NEK8: variants seen among roughly 807,000 people sequenced by gnomAD.
NEK8 encodes NIMA related kinase 8, also known as serine/threonine-protein kinase Nek8.
NEK8 carries 51 observed loss-of-function variants against 77.2 expected under a neutral mutation model. The ratio of observed to expected loss-of-function variants is 0.66; its 90% CI spans 0.53 to 0.83. The LOEUF (loss-of-function observed/expected upper bound fraction) is 0.83. NEK8 is among the 40% of genes least tolerant of loss of function. The pLI, the probability that NEK8 is intolerant of heterozygous loss-of-function variation, is 0.00. For missense variants in NEK8, 787 were observed against 909.2 expected, an observed-to-expected ratio of 0.87 and a Z score of 1.73; for synonymous variants, 365 against 363.2, an observed-to-expected ratio of 1.00 and a Z score of -0.06.
Position 28,740,449 on chromosome 17 carries a change from G to A in NEK8, c.1418-14G>A, listed in dbSNP as rs780882981. ...TAAAGCTCAAATTAACTCCTTCTGG[G>A]TTTCTTCTTGTAGGCAGACTGGGGC... On this transcript the variant is annotated splice_polypyrimidine_tract_variant and intron_variant, in intron 10 of 14. Transcript: ENST00000268766. This position sits in a 1 kb window ranked among gnomAD's most constrained non-coding sequence, Gnocchi z 4.7. 4 of 1,613,884 alleles carry A rather than the reference G, an allele frequency of 2.5e-6. No homozygotes were observed. Among genetic ancestry groups the A allele is most frequent in the Non-Finnish European group, 2.5e-6 (3 of 1,179,952 alleles).
Position 28,738,255 on chromosome 17 carries a change from C to T in NEK8, c.1222+10C>T, listed in dbSNP as rs368061384. ...ACTGCCTGCCTGACTGGTGAGTTGT[C>T]GGGCCTACCTTGTGGGACCTGCTCT... On this transcript the variant is annotated intron_variant, in intron 8 of 14. Coordinates refer to ENST00000268766, the MANE Select transcript of NEK8 (RefSeq NM_178170.3). 6.9e-5 allele frequency: 112 copies of T among 1,613,950 alleles called. No homozygotes were observed. Among genetic ancestry groups the T allele is most frequent in the Non-Finnish European group, 8.2e-5 (97 of 1,180,006 alleles).
intron 1 of NEK8, chr17:28,732,968 G>A (rs2034325482): frequency 6.6e-6 from 1 of 152,050 alleles, no homozygotes; most frequent in Non-Finnish European, 1.5e-5. Context: ...CAATGTCCTA[G>A]GCTCAGGTGA....
In NEK8 at chr17:28,741,857, C is replaced by T; in HGVS notation, c.2051-102C>T. ...TGCTGAAACTCTCTTTCTGGCCTAA[C>T]AGGGTCCAGAATCCAGGGCCCAGTG... On this transcript the variant is annotated intron_variant, in intron 14 of 14. Transcript: ENST00000268766. The surrounding 1 kb of genome is among the most constrained non-coding windows in gnomAD (Gnocchi z 4.5). 7.9e-7 allele frequency: 1 copy of T among 1,263,210 alleles called. No individual in the cohort carries two copies. The highest frequency in any genetic ancestry group is 1.2e-5 in the South Asian group (1 of 84,038). 78.3% of individuals were successfully genotyped at this position (1,263,210 alleles called of 1,614,324 possible).
chr17:28,741,144 G>A lies in NEK8; in HGVS notation c.1799G>A (p.Gly600Asp), dbSNP rs1344396208. 3.1e-6 allele frequency: 5 copies of A among 1,614,026 alleles called. No homozygotes were observed. Among genetic ancestry groups the A allele is most frequent in the African/African-American group, 1.3e-5 (1 of 74,934 alleles). ...HGQLGTNTRR[G>D]SRAPCKVQGL... ...CAGTTGGGCACCAATACTCGCCGAG[G>A]CAGTCGGGCACCCTGTAAGGTCCAA... Residue 600 changes from glycine (G) to aspartate (D), a missense_variant, in exon 13 of 15, where the codon GGC (glycine) becomes GAC (aspartate). This residue lies in a region of NEK8 where 516 missense variants were observed against 544.0 expected (regional missense o/e 0.95). Coordinates refer to ENST00000268766, the MANE Select transcript of NEK8 (RefSeq NM_178170.3). This position sits in a 1 kb window ranked among gnomAD's most constrained non-coding sequence, Gnocchi z 4.5.
At chr17:28,733,891 C>A in intron 1 of NEK8, 92 bp from the exon 2 acceptor site, 1 of 1,057,982 alleles carries the variant, frequency 9.5e-7, no homozygotes, top group Non-Finnish European at 1.4e-6. Flanking sequence ...GAACCCTCTT[C>A]CAAGAGACAT....
intron 8 of NEK8, 55 bp from the exon 9 acceptor site, chr17:28,738,616 T>G (rs2034390426): frequency 6.6e-7 from 1 of 1,522,484 alleles, no homozygotes; most frequent in Admixed American, 1.7e-5. Flanking sequence ...CCGGGCTATC[T>G]GGAAAGACTG....
At position 28,731,683 on chromosome 17, in the gene NEK8, A is replaced by C. The variant is rs1342182590; in HGVS notation, c.48-2300A>C. Among the ~76,000 whole-genome samples the C allele has an allele frequency of 3.3e-5, 5 of 150,062 alleles. No homozygotes were observed. In the South Asian group the frequency reaches 1.1e-3, roughly 32 times the overall value. On this transcript the variant is annotated intron_variant, in intron 1 of 14. Transcript: ENST00000268766. ...CAGTGGCACCATCTCGGCTCATTGC[A>C]AGCTCCGCCTCCCAGGTTCACGCCA...
In NEK8 at chr17:28,742,751, C is replaced by A. The variant is rs1337973476; in HGVS notation, c.*764C>A. On this transcript the variant is annotated 3_prime_UTR_variant, in exon 15 of 15. Transcript: ENST00000268766. Reference sequence around the variant, plus strand: ...GACCAGCCTGGGGACCATAGCGAGACCGCTGTCTCCACCAAAAAAAAAAAA... The same window carrying A: ...GACCAGCCTGGGGACCATAGCGAGAACGCTGTCTCCACCAAAAAAAAAAAA... The A allele has an allele frequency of 2.0e-5, 3 of 150,616 alleles. No individual in the cohort carries two copies. The highest frequency in any genetic ancestry group is 4.4e-5 in the Non-Finnish European group (3 of 67,750). 9.3% of individuals were successfully genotyped at this position (150,616 alleles called of 1,614,324 possible). A position where few individuals can be genotyped will look rare whatever the true frequency, so the allele number is the denominator to read the frequency against.
At position 28,740,499 on chromosome 17, in the gene NEK8, G is replaced by A; in HGVS notation, c.1454G>A (p.Cys485Tyr). The A allele has an allele frequency of 6.2e-7, 1 of 1,614,062 alleles. No individual in the cohort carries two copies. The highest frequency in any genetic ancestry group is 8.5e-7 in the Non-Finnish European group (1 of 1,179,986). The change falls in exon 11 of 15, where the codon TGC becomes TAC. Residue 485 changes from cysteine to tyrosine, a missense_variant. Cys to Tyr is a radical substitution (Grantham distance 194). Coordinates refer to ENST00000268766, the MANE Select transcript of NEK8 (RefSeq NM_178170.3). This position sits in a 1 kb window ranked among gnomAD's most constrained non-coding sequence, Gnocchi z 4.7. ...LGLGTRESHS[C>Y]PQQVPMPPGQ... ...CTAGGCACCAGGGAGTCCCACAGCT[G>A]CCCCCAGCAGGTGCCCATGCCCCCA...
At chr17:28,733,865 A>G in intron 1 of NEK8, 118 bp from the exon 2 acceptor site, 1 of 809,266 alleles carries the variant, frequency 1.2e-6, no homozygotes, top group Non-Finnish European at 2.1e-6. Flanking sequence ...GCTTGGTTAG[A>G]TGACCTCTCA....
Position 28,741,304 on chromosome 17 carries a change from G to A in NEK8, c.1891+68G>A. On this transcript the variant is annotated intron_variant, in intron 13 of 14. Coordinates refer to ENST00000268766, the MANE Select transcript of NEK8 (RefSeq NM_178170.3). This position sits in a 1 kb window ranked among gnomAD's most constrained non-coding sequence, Gnocchi z 4.5. ...TGGGGGGTGGGGGTTGCTATTCAGGGCCACTGGACTCTGGAGCCTCCCAGG... is the reference window on the plus strand; with the variant it reads ...TGGGGGGTGGGGGTTGCTATTCAGGACCACTGGACTCTGGAGCCTCCCAGG... The A allele has an allele frequency of 6.3e-7, 1 of 1,595,040 alleles. No individual in the cohort carries two copies. The highest frequency in any genetic ancestry group is 8.6e-7 in the Non-Finnish European group (1 of 1,169,280).
At chr17:28,732,800 C>T (rs1464950314) in intron 1 of NEK8, among the ~76,000 whole-genome samples, 1 of 151,996 alleles carries the variant, frequency 6.6e-6, no homozygotes, top group African/African-American at 2.4e-5. Flanking sequence ...GCTCCACCCA[C>T]CTCGGCCTCC....
rs749926987 is a variant in NEK8 at position 28,737,465 on chromosome 17, C to T, written c.778C>T (p.Arg260Cys). The change falls in exon 5 of 15, where the codon CGT (arginine) becomes TGT (cysteine). Residue 260 changes from arginine to cysteine, a missense_variant. Physicochemically the swap from Arg to Cys is radical, Grantham distance 180 (BLOSUM62 -3). Transcript: ENST00000268766. The surrounding 1 kb of genome is among the most constrained non-coding windows in gnomAD (Gnocchi z 4.8). ...CATCATGGCACAGCCCCTCTGCATC[C>T]GTGCCCTCCTCAACCTCCACACCGA... ...SHIMAQPLCIRALLNLHTDVG... is the reference protein window; with the variant it reads ...SHIMAQPLCICALLNLHTDVG... The T allele has an allele frequency of 3.6e-5, 58 of 1,613,016 alleles. No homozygotes were observed. The highest frequency in any genetic ancestry group is 9.9e-5 in the South Asian group (9 of 91,096).
At chr17:28,729,007 C>T (rs7211214) in intron 1 of NEK8, 147 bp downstream of exon 1, 1 of 726,010 alleles carries the variant, frequency 1.4e-6, no homozygotes, top group African/African-American at 1.8e-5. Flanking sequence ...GTCCCAGTCC[C>T]CCGGGGAGAC....
At chr17:28,730,845 C>T (rs1423024424) in intron 1 of NEK8, among the ~76,000 whole-genome samples, 1 of 152,064 alleles carries the variant, frequency 6.6e-6, no homozygotes, top group Non-Finnish European at 1.5e-5. Context: ...ATCACTTGAG[C>T]ATGGGAGGTG....
At position 28,742,218 on chromosome 17, in the gene NEK8, G is replaced by A; in HGVS notation, c.*231G>A. On this transcript the variant is annotated 3_prime_UTR_variant, in exon 15 of 15. Transcript: ENST00000268766. ...CTACCCCTTCCTCCCTTCAGTCAGT[G>A]TCCCCAGGGTCCAGCCTGGCTAGAG... 1 of 633,620 alleles carries A rather than the reference G, an allele frequency of 1.6e-6. No individual in the cohort carries two copies. Among genetic ancestry groups the A allele is most frequent in the South Asian group, 1.8e-5 (1 of 56,892 alleles). 39.2% of individuals were successfully genotyped at this position (633,620 alleles called of 1,614,324 possible).
rs769058088 is a variant in NEK8, at chr17:28,733,973, G to T, written c.48-10G>T. The T allele has an allele frequency of 6.2e-7, 1 of 1,613,494 alleles. No homozygotes were observed. The highest frequency in any genetic ancestry group is 2.2e-5 in the East Asian group (1 of 44,878). On this transcript the variant is annotated splice_polypyrimidine_tract_variant and intron_variant, in intron 1 of 14. Transcript: ENST00000268766. ...AGCTGGTAACCTGTCCCTGTCCTCC[G>T]TATCCCTAGGATTGTGCACCTGTGC...
rs750104979 is a variant in NEK8, at chr17:28,741,981, C to G, written c.2073C>G (p.Pro691=). Residue 691 remains proline (P), a synonymous_variant, in exon 15 of 15, where the codon CCC becomes CCG. Coordinates refer to ENST00000268766, the MANE Select transcript of NEK8 (RefSeq NM_178170.3). This position sits in a 1 kb window ranked among gnomAD's most constrained non-coding sequence, Gnocchi z 4.5. Reference sequence around the variant, plus strand: ...CAGCGGTCACAGATGAGCCGGTCCCCCCCTGAGGCACCCGGATTCACCTCT... The same window carrying G: ...CAGCGGTCACAGATGAGCCGGTCCCGCCCTGAGGCACCCGGATTCACCTCT... ...AVRSVTDEPV[P]P is the part of the protein sequence containing the mutation. 4.3e-6 allele frequency: 7 copies of G among 1,614,096 alleles called. No individual in the cohort carries two copies. The South Asian group carries it at 5.5e-5, about 13-fold the overall frequency.
intron 1 of NEK8, 34 bp downstream of exon 1, chr17:28,728,894 G>C: frequency 6.5e-7 from 1 of 1,534,176 alleles, no homozygotes; most frequent in Non-Finnish European, 8.8e-7. Context: ...AAACTGCTAG[G>C]GGATAGGGAA....
Sources: gnomAD v4.1 joint callset for allele counts (sites outside exome capture counted in the v4.1 genomes callset) on GRCh38, gnomAD v4.1.1 for gene constraint, gnomAD v4.1.1 regional missense constraint, Gnocchi (gnomAD v3.1) non-coding constraint, MANE v1.5 for transcripts, NCBI Gene and HGNC (gene_info 2026-07-23, HGNC 2026-07-21) for gene names.